The following MEGF6 variants were observed in gnomAD, a reference collection of about 807,000 sequenced individuals.
MEGF6 encodes the protein multiple EGF like domains 6, also known as multiple epidermal growth factor-like domains protein 6.
Under a neutral mutation model 207.1 loss-of-function variants are expected in MEGF6, and 184 were observed. The ratio of observed to expected loss-of-function variants is 0.89; its 90% CI spans 0.79 to 1.00. The LOEUF is 1.00. MEGF6 is among the 50% of genes least tolerant of loss of function. The probability of loss-of-function intolerance (pLI) is 0.00; values close to 1 mark genes in which losing one functional copy is unlikely to be tolerated. For synonymous variants in MEGF6, 1,038 were observed against 910.0 expected, an observed-to-expected ratio of 1.14 and a Z score of -2.53; for missense variants, 2,282 against 2,202.9, an observed-to-expected ratio of 1.04 and a Z score of -0.72.
In MEGF6 at chr1:3,560,957, G is replaced by A. The variant is rs1346640265; in HGVS notation, c.481+18868C>T. ...CATCTAGTGCCCCAGGGGCTTCGGA[G>A]GGCAGGGGTCAGCTCTAGGCCCTTC... On this transcript the variant is annotated intron_variant, in intron 4 of 36. Coordinates refer to ENST00000356575, the MANE Select transcript of MEGF6 (RefSeq NM_001409.4). This position sits in a 1 kb window ranked among gnomAD's most constrained non-coding sequence, Gnocchi z 4.0. 6.6e-6 allele frequency among the ~76,000 whole-genome samples: 1 copy of A among 152,198 alleles called. No homozygotes were observed. Among genetic ancestry groups the A allele is most frequent in the East Asian group, 1.9e-4 (1 of 5,196 alleles).
intron 17 of MEGF6, among the ~76,000 whole-genome samples, chr1:3,502,982 C>T (rs923249851): frequency 3.3e-5 from 5 of 152,170 alleles, no homozygotes; most frequent in Non-Finnish European, 5.9e-5. Context: ...CACAGCAGCC[C>T]CAAGAAGGCA....
chr1:3,511,944 G>A (rs1641364684), intron 8 of MEGF6, 62 bp downstream of exon 8: 1 of 1,607,366 alleles, frequency 6.2e-7, no homozygotes, highest in Non-Finnish European at 8.5e-7. Flanking sequence ...CAGGCCTCGG[G>A]GTCCTGGGGA....
At position 3,498,836 on chromosome 1, in the gene MEGF6, G is replaced by A. The variant is rs1640728411; in HGVS notation, c.3095-10C>T. ...AGGCCGGCAGGGCAGGCTGGGGCCA[G>A]GGAAGAGGGAGCAACCTGCATCCCC... On this transcript the variant is annotated splice_polypyrimidine_tract_variant and intron_variant, in intron 24 of 36. Coordinates refer to ENST00000356575, the MANE Select transcript of MEGF6 (RefSeq NM_001409.4). The A allele has an allele frequency of 6.5e-7, 1 of 1,549,342 alleles. No individual in the cohort carries two copies. The highest frequency in any genetic ancestry group is 1.2e-5 in the South Asian group (1 of 84,074).
At chr1:3,550,205 G>A (rs1255606734) in intron 4 of MEGF6, among the ~76,000 whole-genome samples, 2 of 152,188 alleles carry the variant, frequency 1.3e-5, no homozygotes, top group Non-Finnish European at 2.9e-5. Context: ...TAGAAACAGG[G>A]ACTCAAACCA....
chr1:3,607,768 A>G (rs980341812), intron 1 of MEGF6, among the ~76,000 whole-genome samples: 5 of 152,182 alleles, frequency 3.3e-5, no homozygotes, highest in Non-Finnish European at 7.4e-5. Context: ...CCCAAACTAC[A>G]AAGTGGACCT....
intron 4 of MEGF6, among the ~76,000 whole-genome samples, chr1:3,563,698 AAG>A (rs1643267600): frequency 1.3e-5 from 2 of 152,184 alleles, no homozygotes; most frequent in South Asian, 2.1e-4. Flanking sequence ...ACCCCTAAGA[AAG>A]AGAGACGAGG....
intron 29 of MEGF6, 150 bp from the exon 30 acceptor site, chr1:3,496,168 C>A: frequency 3.3e-6 from 4 of 1,199,404 alleles, no homozygotes; most frequent in Non-Finnish European, 4.5e-6. Flanking sequence ...CATGCACCCA[C>A]CCTGGCATCT....
At chr1:3,514,243 G>A (rs1407127543) in intron 7 of MEGF6, among the ~76,000 whole-genome samples, 4 of 134,850 alleles carry the variant, frequency 3.0e-5, no homozygotes, top group East Asian at 2.2e-4. Context: ...GCGAGACTCC[G>A]TCTCAAAAAA....
the MEGF6 span, among the ~76,000 whole-genome samples, chr1:3,623,897 A>C: frequency 6.6e-6 from 1 of 151,932 alleles, no homozygotes; most frequent in Non-Finnish European, 1.5e-5. Context: ...CCACTCCCCC[A>C]GCTGCCGCGT....
rs115746547 is a variant in MEGF6, at chr1:3,560,920, C to T, written c.481+18905G>A. Reference sequence around the variant, plus strand: ...TCTACCCCCAGGCCTCTACTACCCTCTGGCACACATCCATCTAGTGCCCCA... The same window carrying T: ...TCTACCCCCAGGCCTCTACTACCCTTTGGCACACATCCATCTAGTGCCCCA... On this transcript the variant is annotated intron_variant, in intron 4 of 36. Transcript: ENST00000356575. The surrounding 1 kb of genome is among the most constrained non-coding windows in gnomAD (Gnocchi z 4.0). The T allele has an allele frequency of 1.1e-3, 432 of 390,212 alleles. 2 individuals carry two copies. The highest frequency in any genetic ancestry group is 8.7e-3 in the African/African-American group (399 of 45,804). The allele number at this position is 390,212 out of a possible 1,614,324, so 24.2% of individuals were successfully genotyped here.
At position 3,490,532 on chromosome 1, in the gene MEGF6, T is replaced by G. The variant is rs371400416; in HGVS notation, c.4622A>C (p.His1541Pro). 9.3e-6 allele frequency: 15 copies of G among 1,612,896 alleles called. No homozygotes were observed. The highest frequency in any genetic ancestry group is 1.6e-4 in the Middle Eastern group (1 of 6,078). Reference sequence around the variant, plus strand: ...GGCTCCACGGGACTGCCTCTACTAGTGCCTCGCTGGTCCACCGCTCCGGGA... The same window carrying G: ...GGCTCCACGGGACTGCCTCTACTAGGGCCTCGCTGGTCCACCGCTCCGGGA... ...PTSRSGGPAR[H>P] The change falls in exon 37 of 37, where the codon CAC becomes CCC. Residue 1541 changes from histidine (H) to proline (P), a missense_variant. Transcript: ENST00000356575.
chr1:3,530,380 C>A (rs545563748), intron 4 of MEGF6, among the ~76,000 whole-genome samples: 2 of 152,322 alleles, frequency 1.3e-5, no homozygotes, highest in South Asian at 2.1e-4. Flanking sequence ...CCGGGTGATG[C>A]GGCTGACGAC....
chr1:3,501,406 G>A (rs1640858881), intron 18 of MEGF6, 98 bp from the exon 19 acceptor site: 3 of 1,452,530 alleles, frequency 2.1e-6, no homozygotes, highest in Non-Finnish European at 1.8e-6. Flanking sequence ...GGCCGAGGAG[G>A]TGGAACCACT....
chr1:3,594,851 C>T lies in MEGF6; in HGVS notation c.376+487G>A, dbSNP rs530803269. On this transcript the variant is annotated intron_variant, in intron 3 of 36. Transcript: ENST00000356575. The surrounding 1 kb of genome is among the most constrained non-coding windows in gnomAD (Gnocchi z 4.2). ...CTCTCCAATTGTGCTGGCTACATAA[C>T]GGAGAGAGGAAGGAGCGGCTCCCTT... is the stretch of plus-strand genomic sequence containing the variant. 3.9e-5 allele frequency among the ~76,000 whole-genome samples: 6 copies of T among 152,274 alleles called. No homozygotes were observed. The highest frequency in any genetic ancestry group is 2.1e-4 in the South Asian group (1 of 4,830).
chr1:3,551,685 C>A (rs559828418), intron 4 of MEGF6, among the ~76,000 whole-genome samples: 1 of 152,278 alleles, frequency 6.6e-6, no homozygotes, highest in African/African-American at 2.4e-5. Flanking sequence ...CCTCCCCACA[C>A]ACCCCTCTGC....
chr1:3,517,351 G>T (rs1641580629), intron 5 of MEGF6, among the ~76,000 whole-genome samples: 2 of 152,192 alleles, frequency 1.3e-5, no homozygotes, highest in South Asian at 2.1e-4. Flanking sequence ...ACCGGGCATG[G>T]CGCGCACTGG....
intron 4 of MEGF6, among the ~76,000 whole-genome samples, chr1:3,569,436 C>T (rs1250932247): frequency 2.0e-5 from 3 of 152,270 alleles, no homozygotes; most frequent in African/African-American, 7.2e-5. Flanking sequence ...AGGCACAGCC[C>T]CACACCCGGA....
chr1:3,563,182 A>T (rs1570144440), intron 4 of MEGF6, among the ~76,000 whole-genome samples: 1 of 152,138 alleles, frequency 6.6e-6, no homozygotes, highest in Non-Finnish European at 1.5e-5. Flanking sequence ...TCGCACATGC[A>T]CCTTGTAGGT....
chr1:3,493,691 AG>A, intron 34 of MEGF6, 79 bp downstream of exon 34: 1 of 1,546,782 alleles, frequency 6.5e-7, no homozygotes, highest in Non-Finnish European at 8.8e-7. Context: ...GGACTGGCAC[AG>A]GTAGGGCCCA....
Sources: allele counts gnomAD v4.1 joint callset (sites outside exome capture counted in the v4.1 genomes callset), GRCh38; gene constraint gnomAD v4.1.1; non-coding constraint Gnocchi (gnomAD v3.1); transcripts MANE v1.5; gene names NCBI Gene and HGNC (gene_info 2026-07-23, HGNC 2026-07-21).